BTRC: variants seen among roughly 807,000 people sequenced by gnomAD.
The protein encoded by BTRC is F-box/WD repeat-containing protein 1A.
BTRC carries 42 observed loss-of-function variants against 85.5 expected under a neutral mutation model. That is an observed-to-expected ratio of 0.49 (90% CI 0.38 to 0.64). BTRC has a LOEUF of 0.64. BTRC is among the 30% of genes least tolerant of loss of function. BTRC has a pLI of 0.00. For synonymous variants in BTRC, 255 were observed against 263.3 expected (o/e 0.97, Z 0.30); for missense variants, 594 against 743.5 (o/e 0.80, Z 2.34).
intron 2 of BTRC, among the ~76,000 whole-genome samples, chr10:101,442,077 A>G (rs1029648197): frequency 2.6e-5 from 4 of 152,160 alleles, no homozygotes; most frequent in African/African-American, 9.7e-5. Context: ...AAAAGCATAG[A>G]AAAGCATATG....
At chr10:101,485,690 C>G (rs1466555663) in intron 4 of BTRC, among the ~76,000 whole-genome samples, 1 of 152,136 alleles carries the variant, frequency 6.6e-6, no homozygotes, top group Non-Finnish European at 1.5e-5. Flanking sequence ...TTGGGAACCA[C>G]TGATATATCT....
intron 3 of BTRC, among the ~76,000 whole-genome samples, chr10:101,467,143 A>T (rs1945394262): frequency 6.6e-6 from 1 of 151,896 alleles, no homozygotes; most frequent in Non-Finnish European, 1.5e-5. Context: ...CAGCATCCAG[A>T]TGGGTAAATA....
intron 1 of BTRC, among the ~76,000 whole-genome samples, chr10:101,361,209 C>T (rs971335374): frequency 3.3e-5 from 5 of 152,058 alleles, no homozygotes; most frequent in African/African-American, 1.2e-4. Flanking sequence ...TGGGTTCAAA[C>T]AGTTCTCCTG....
chr10:101,357,791 G>A (rs889271692), intron 1 of BTRC, among the ~76,000 whole-genome samples: 1 of 152,142 alleles, frequency 6.6e-6, no homozygotes, highest in African/African-American at 2.4e-5. Context: ...ACACGTGATC[G>A]AGACTTAAAG....
chr10:101,449,844 T>C (rs1944915638), intron 2 of BTRC, among the ~76,000 whole-genome samples: 1 of 152,020 alleles, frequency 6.6e-6, no homozygotes, highest in Non-Finnish European at 1.5e-5. Context: ...GAAAGAATGG[T>C]TGTCCTTTTA....
At chr10:101,406,303 A>C (rs1049203598) in intron 1 of BTRC, among the ~76,000 whole-genome samples, 2 of 150,392 alleles carry the variant, frequency 1.3e-5, no homozygotes, top group Non-Finnish European at 3.0e-5. Flanking sequence ...CAGCCTCCCG[A>C]GTAGCTGGGA....
rs776181591 is a variant in BTRC at position 101,550,826 on chromosome 10, C to T, written c.1784C>T (p.Ser595Phe). Residue 595 changes from serine (S) to phenylalanine (F), a missense_variant, in exon 14 of 15, where the codon TCC (serine) becomes TTC (phenylalanine). Transcript: ENST00000370187. ...GCTGCCCAAGCTGAACCCCCCCGTT[C>T]CCCTTCTCGAACATACACCTACATC... ...DPAAQAEPPR[S>F]PSRTYTYISR 1 of 1,614,056 alleles carries T rather than the reference C, an allele frequency of 6.2e-7. No individual in the cohort carries two copies. Among genetic ancestry groups the T allele is most frequent in the South Asian group, 1.1e-5 (1 of 91,068 alleles).
intron 1 of BTRC, among the ~76,000 whole-genome samples, chr10:101,384,545 G>A (rs1943019248): frequency 6.6e-6 from 1 of 152,196 alleles, no homozygotes; most frequent in Non-Finnish European, 1.5e-5. Flanking sequence ...TTTTTTTAAA[G>A]TGTGTATTTA....
At chr10:101,491,651 C>T (rs190657341) in intron 4 of BTRC, among the ~76,000 whole-genome samples, 3 of 151,434 alleles carry the variant, frequency 2.0e-5, no homozygotes, top group Non-Finnish European at 4.4e-5. Context: ...GAGCCAAGAT[C>T]GCGCCTCTGC....
At chr10:101,354,084 G>A, upstream of BTRC, 1 of 1,398,082 alleles carries the variant, frequency 7.2e-7, no homozygotes, top group Non-Finnish European at 9.9e-7. Context: ...AGGGCGGGGG[G>A]AAGGAAGAGG....
intron 1 of BTRC, among the ~76,000 whole-genome samples, chr10:101,402,463 A>G (rs147997023): frequency 3.7e-4 from 56 of 152,252 alleles, no homozygotes; most frequent in African/African-American, 1.3e-3. Context: ...AAGGCACCCA[A>G]ATTTTAACAA....
chr10:101,495,652 G>C (rs534354294), intron 4 of BTRC, among the ~76,000 whole-genome samples: 1 of 152,258 alleles, frequency 6.6e-6, no homozygotes, highest in Non-Finnish European at 1.5e-5. Flanking sequence ...TTTTTTATTA[G>C]AAGTCCCTGT....
chr10:101,365,096 G>A (rs2134495877), intron 1 of BTRC: 1 of 149,476 alleles, frequency 6.7e-6, no homozygotes, highest in East Asian at 2.0e-4. Context: ...TTTTTAAGAT[G>A]GAGTTTCGCT....
intron 4 of BTRC, among the ~76,000 whole-genome samples, chr10:101,510,027 G>A (rs1033061641): frequency 8.6e-5 from 13 of 151,916 alleles, no homozygotes; most frequent in African/African-American, 1.7e-4. Context: ...TTAGCTGCGC[G>A]TGGTGTTACA....
At chr10:101,480,341 T>C (rs1302875267) in intron 4 of BTRC, among the ~76,000 whole-genome samples, 1 of 152,220 alleles carries the variant, frequency 6.6e-6, no homozygotes, top group Non-Finnish European at 1.5e-5. Flanking sequence ...CTAATGACAG[T>C]TGTCTTAGTC....
chr10:101,504,573 A>G (rs1012394202), intron 4 of BTRC, among the ~76,000 whole-genome samples: 1 of 150,674 alleles, frequency 6.6e-6, no homozygotes, highest in Non-Finnish European at 1.5e-5. Context: ...CCTTTCCCCA[A>G]TCCTCGGTCA....
At chr10:101,406,127 G>A (rs1022777628) in intron 1 of BTRC, among the ~76,000 whole-genome samples, 4 of 151,240 alleles carry the variant, frequency 2.6e-5, no homozygotes, top group African/African-American at 4.9e-5. Context: ...GATTATTCTC[G>A]ATGAATTAAC....
intron 2 of BTRC, among the ~76,000 whole-genome samples, chr10:101,438,293 T>C (rs887178624): frequency 1.6e-4 from 25 of 151,606 alleles, no homozygotes; most frequent in East Asian, 9.7e-4. Flanking sequence ...GGCGTGGTGG[T>C]GGGCGCCTGT....
chr10:101,425,149 C>T (rs942192786), intron 1 of BTRC, among the ~76,000 whole-genome samples: 2 of 152,144 alleles, frequency 1.3e-5, no homozygotes, highest in Non-Finnish European at 2.9e-5. Context: ...TTTATGGCTA[C>T]TTAGTATTCC....
Sources: gnomAD v4.1 joint callset for allele counts (sites outside exome capture counted in the v4.1 genomes callset) on GRCh38, gnomAD v4.1.1 for gene constraint, MANE v1.5 for transcripts, NCBI Gene and HGNC (gene_info 2026-07-23, HGNC 2026-07-21) for gene names.